MECOM: variants seen among roughly 807,000 people sequenced by gnomAD.
MECOM encodes the protein histone-lysine N-methyltransferase MECOM.
Under a neutral mutation model 116.3 loss-of-function variants are expected in MECOM, and 13 were observed. The observed-to-expected ratio is 0.11, with a 90% confidence interval of 0.07 to 0.18. The LOEUF is 0.18. Among genes scored for constraint, MECOM ranks in the 10% least tolerant of loss-of-function variants. The pLI, the probability that MECOM is intolerant of heterozygous loss-of-function variation, is 1.00. For synonymous variants in MECOM, 528 were observed against 535.2 expected (o/e 0.99, Z 0.19); for missense variants, 1,299 against 1,509.0 (o/e 0.86, Z 2.31).
chr3:169,578,869 C>A (rs935214437), intron 1 of MECOM, among the ~76,000 whole-genome samples: 3 of 152,274 alleles, frequency 2.0e-5, no homozygotes, highest in Non-Finnish European at 4.4e-5. Context: ...CATATTATGG[C>A]ATCAATATTA....
intron 1 of MECOM, among the ~76,000 whole-genome samples, chr3:169,439,852 T>C (rs1057210362): frequency 2.6e-5 from 4 of 152,048 alleles, no homozygotes; most frequent in African/African-American, 9.7e-5. Context: ...CAAAATGAAA[T>C]ATTATACAAC....
intron 1 of MECOM, among the ~76,000 whole-genome samples, chr3:169,409,566 T>C (rs922312895): frequency 1.1e-4 from 17 of 152,246 alleles, no homozygotes. Flanking sequence ...TTCAAGATTC[T>C]GCCTGCTTTA....
In MECOM at chr3:169,381,516, A is replaced by G. The variant is rs762327252; in HGVS notation, c.46T>C (p.Cys16Arg). 6 of 1,588,662 alleles carry G rather than the reference A, an allele frequency of 3.8e-6. No individual in the cohort carries two copies. ...RARKLATNNE[C>R]VYGNYPEIPL... ...ATTTCAGGGTAGTTGCCATATACAC[A>G]CTCATTATCTGTGAATAAATAAGAA... is the stretch of plus-strand genomic sequence containing the variant. Residue 16 changes from cysteine (C) to arginine (R), a missense_variant, in exon 2 of 17, where the codon TGT (cysteine) becomes CGT (arginine). Physicochemically the swap from Cys to Arg is radical, Grantham distance 180. This residue lies in a region of MECOM where 374 missense variants were observed against 433.4 expected (regional missense o/e 0.86). Transcript: ENST00000651503.
chr3:169,499,346 CAAAAAAAAAA>C (rs60302997), intron 1 of MECOM, among the ~76,000 whole-genome samples: 2,311 of 51,660 alleles, frequency 0.045, 235 homozygotes, highest in East Asian at 0.44. Flanking sequence ...AGATTACCCA[CAAAAAAAAAA>C]AAAAAAAAAA....
chr3:169,605,261 A>G (rs375253110), intron 1 of MECOM, among the ~76,000 whole-genome samples: 1 of 152,312 alleles, frequency 6.6e-6, no homozygotes, highest in East Asian at 1.9e-4. Context: ...GTTTAGATCC[A>G]CCTCTGAAAA....
intron 2 of MECOM, among the ~76,000 whole-genome samples, chr3:169,178,432 CAAG>C (rs1745491548): frequency 6.6e-6 from 1 of 152,172 alleles, no homozygotes; most frequent in Non-Finnish European, 1.5e-5. Context: ...GAATCATCAT[CAAG>C]AAGGACATTA....
At chr3:169,183,494 C>A (rs28557436) in intron 2 of MECOM, among the ~76,000 whole-genome samples, 13,147 of 152,092 alleles carry the variant, frequency 0.086, 634 homozygotes, top group South Asian at 0.2. Flanking sequence ...ATCAACCATC[C>A]TAAATACCTA....
At chr3:169,406,573 GA>G (rs1159092127) in intron 1 of MECOM, among the ~76,000 whole-genome samples, 1 of 152,294 alleles carries the variant, frequency 6.6e-6, no homozygotes, top group East Asian at 1.9e-4. Flanking sequence ...ATAGGAATTA[GA>G]ACATGGAAAG....
intron 2 of MECOM, among the ~76,000 whole-genome samples, chr3:169,324,458 C>A (rs900610166): frequency 1.3e-5 from 2 of 152,228 alleles, no homozygotes; most frequent in African/African-American, 4.8e-5. Context: ...TTGTCAAAAA[C>A]ATTTTTTACA....
At chr3:169,518,229 A>C (rs1035066098) in intron 1 of MECOM, among the ~76,000 whole-genome samples, 1 of 151,820 alleles carries the variant, frequency 6.6e-6, no homozygotes, top group African/African-American at 2.4e-5. Context: ...ACTGCACTCC[A>C]GCCTGGGCGA....
chr3:169,171,169 CA>C (rs1389094507), intron 2 of MECOM, among the ~76,000 whole-genome samples: 1 of 151,982 alleles, frequency 6.6e-6, no homozygotes, highest in African/African-American at 2.4e-5. Flanking sequence ...CCTTTTGTGG[CA>C]AAGAAACAAT....
intron 1 of MECOM, among the ~76,000 whole-genome samples, chr3:169,454,772 T>G (rs1746198594): frequency 6.6e-6 from 1 of 152,152 alleles, no homozygotes; most frequent in Admixed American, 6.5e-5. Flanking sequence ...ATTACACATT[T>G]AAAATAATGG....
At chr3:169,239,699 A>G (rs970768435) in intron 2 of MECOM, among the ~76,000 whole-genome samples, 3 of 152,108 alleles carry the variant, frequency 2.0e-5, no homozygotes, top group Admixed American at 6.5e-5. Context: ...ATGTAATCCA[A>G]GAAATTGTAT....
intron 12 of MECOM, among the ~76,000 whole-genome samples, chr3:169,097,046 G>A (rs1168460087): frequency 6.6e-6 from 1 of 151,536 alleles, no homozygotes; most frequent in African/African-American, 2.4e-5. Flanking sequence ...ACTGCAATGA[G>A]AACCATGCTA....
intron 1 of MECOM, among the ~76,000 whole-genome samples, chr3:169,385,808 C>A (rs1315284675): frequency 1.3e-5 from 2 of 152,146 alleles, no homozygotes; most frequent in African/African-American, 4.8e-5. Context: ...TTAATTAAAG[C>A]ATTTCTCAGA....
chr3:169,197,308 C>A (rs1050178787), intron 2 of MECOM, among the ~76,000 whole-genome samples: 2 of 146,970 alleles, frequency 1.4e-5, no homozygotes, highest in African/African-American at 5.0e-5. Flanking sequence ...TACTCCTGAA[C>A]CTAAAAATTA....
At chr3:169,277,127 A>T (rs980998448) in intron 2 of MECOM, among the ~76,000 whole-genome samples, 1 of 152,168 alleles carries the variant, frequency 6.6e-6, no homozygotes, top group Non-Finnish European at 1.5e-5. Flanking sequence ...AAACTACATC[A>T]GGCAGCATTA....
At chr3:169,410,709 A>G (rs1465927691) in intron 1 of MECOM, among the ~76,000 whole-genome samples, 1 of 152,078 alleles carries the variant, frequency 6.6e-6, no homozygotes, top group Non-Finnish European at 1.5e-5. Context: ...ACTAGACTCA[A>G]CCAGTCGTGC....
At chr3:169,521,611 G>A (rs1426275434) in intron 1 of MECOM, among the ~76,000 whole-genome samples, 1 of 152,102 alleles carries the variant, frequency 6.6e-6, no homozygotes, top group African/African-American at 2.4e-5. Context: ...TGCAGCATTG[G>A]AATCACTTGG....
Sources: allele counts gnomAD v4.1 joint callset (sites outside exome capture counted in the v4.1 genomes callset), GRCh38; gene constraint gnomAD v4.1.1; regional missense constraint gnomAD v4.1.1; transcripts MANE v1.5; gene names NCBI Gene and HGNC (gene_info 2026-07-23, HGNC 2026-07-21).